The following VAV3 variants were observed in gnomAD, a reference collection of about 807,000 sequenced individuals.
VAV3 encodes vav guanine nucleotide exchange factor 3, also known as guanine nucleotide exchange factor VAV3.
In VAV3, 94 loss-of-function variants were observed where a neutral mutation model predicts 131.2. The ratio of observed to expected loss-of-function variants is 0.72; its 90% CI spans 0.61 to 0.85. The LOEUF (loss-of-function observed/expected upper bound fraction) is 0.85, where lower values mean the gene tolerates loss of function less well. Ranked by LOEUF, VAV3 falls within the 40% of genes least tolerant of loss-of-function variation. The probability of loss-of-function intolerance (pLI) is 0.00; values close to 1 mark genes in which losing one functional copy is unlikely to be tolerated. For synonymous variants in VAV3, 349 were observed against 342.0 expected (o/e 1.02, Z -0.22); for missense variants, 939 against 1,002.7 (o/e 0.94, Z 0.86).
At position 107,964,797 on chromosome 1, in the gene VAV3, A is replaced by G. The variant is rs138170759; in HGVS notation, c.73T>C (p.Trp25Arg). Reference sequence around the variant, plus strand: ...AGGTCGAACACCTGAGCCGAGTCCCAGGTCACCCGGTGGTTGGTGGGCAGC... The same window carrying G: ...AGGTCGAACACCTGAGCCGAGTCCCGGGTCACCCGGTGGTTGGTGGGCAGC... ...KVLPTNHRVT[W>R]DSAQVFDLAQ... Residue 25 changes from tryptophan to arginine, a missense_variant, in exon 1 of 27, where the codon TGG becomes CGG. Transcript: ENST00000370056. 3,125 of 1,613,956 alleles carry G rather than the reference A, an allele frequency of 1.9e-3. 6 individuals are homozygous for G. Among genetic ancestry groups the G allele is most frequent in the Non-Finnish European group, 2.5e-3 (2,917 of 1,179,958 alleles).
At chr1:107,964,600 G>T (rs1181096588) in intron 1 of VAV3, 66 bp downstream of exon 1, 1 of 1,544,822 alleles carries the variant, frequency 6.5e-7, no homozygotes, top group Admixed American at 1.9e-5. Context: ...TTTACACAAA[G>T]AAATTAGCCG....
chr1:107,761,274 TCC>T (rs1407529940), intron 9 of VAV3, among the ~76,000 whole-genome samples: 1 of 151,164 alleles, frequency 6.6e-6, no homozygotes, highest in Non-Finnish European at 1.5e-5. Flanking sequence ...GTGCCTGTAG[TCC>T]CAGCTACTCA....
intron 20 of VAV3, among the ~76,000 whole-genome samples, chr1:107,619,362 T>A (rs1385488920): frequency 6.6e-6 from 1 of 152,204 alleles, no homozygotes; most frequent in Non-Finnish European, 1.5e-5. Context: ...TAGCAGTAAC[T>A]ACAAGGTTGG....
intron 26 of VAV3, 101 bp downstream of exon 26, chr1:107,573,946 T>TA (rs1161481966): frequency 6.1e-6 from 9 of 1,478,960 alleles, no homozygotes; most frequent in Admixed American, 4.1e-5. Context: ...CTGAAAGCTG[T>TA]AATACAGTAT....
intron 2 of VAV3, among the ~76,000 whole-genome samples, chr1:107,783,081 T>C (rs373782279): frequency 6.6e-6 from 1 of 152,010 alleles, no homozygotes; most frequent in African/African-American, 2.4e-5. Flanking sequence ...GTAAGAAGAG[T>C]GGCATCTGTA....
At chr1:107,618,584 T>C (rs1392935951) in intron 20 of VAV3, among the ~76,000 whole-genome samples, 2 of 152,228 alleles carry the variant, frequency 1.3e-5, no homozygotes, top group African/African-American at 4.8e-5. Flanking sequence ...ATCCTTAATA[T>C]GTGCTAGACA....
chr1:107,598,391 A>T (rs1368565217), intron 24 of VAV3, among the ~76,000 whole-genome samples: 1 of 152,142 alleles, frequency 6.6e-6, no homozygotes, highest in African/African-American at 2.4e-5. Flanking sequence ...AAAAACACAC[A>T]CACAAAAAAC....
At chr1:107,761,435 C>A (rs945107241) in intron 9 of VAV3, among the ~76,000 whole-genome samples, 1 of 151,564 alleles carries the variant, frequency 6.6e-6, no homozygotes, top group Non-Finnish European at 1.5e-5. Flanking sequence ...AAATTATTTT[C>A]TCTAGTGCAA....
chr1:107,736,775 C>A (rs1662665838), intron 15 of VAV3, among the ~76,000 whole-genome samples: 1 of 152,078 alleles, frequency 6.6e-6, no homozygotes, highest in South Asian at 2.1e-4. Flanking sequence ...AATGGCCATA[C>A]TGCCCAAGGT....
chr1:107,895,958 C>T (rs1238513771), intron 1 of VAV3, among the ~76,000 whole-genome samples: 3 of 152,156 alleles, frequency 2.0e-5, no homozygotes, highest in African/African-American at 7.2e-5. Context: ...ACAGAAAGTG[C>T]TCAATGAAGT....
intron 2 of VAV3, among the ~76,000 whole-genome samples, chr1:107,793,335 T>C (rs1475698760): frequency 1.3e-5 from 2 of 152,152 alleles, no homozygotes; most frequent in Non-Finnish European, 2.9e-5. Flanking sequence ...TAGAGCCAGG[T>C]AGGGCTATGA....
chr1:107,786,655 A>C (rs768358172), intron 2 of VAV3, among the ~76,000 whole-genome samples: 3 of 152,178 alleles, frequency 2.0e-5, no homozygotes, highest in Non-Finnish European at 2.9e-5. Flanking sequence ...GGTCTTTGTA[A>C]AGTACTTCAG....
At chr1:107,912,385 C>T (rs962061855) in intron 1 of VAV3, among the ~76,000 whole-genome samples, 1 of 152,160 alleles carries the variant, frequency 6.6e-6, no homozygotes, top group African/African-American at 2.4e-5. Context: ...TTAATATTTG[C>T]ATCACTGATT....
At chr1:107,630,082 T>C (rs559850017) in intron 20 of VAV3, among the ~76,000 whole-genome samples, 3 of 152,314 alleles carry the variant, frequency 2.0e-5, no homozygotes, top group Non-Finnish European at 4.4e-5. Context: ...ATAAGTTTTC[T>C]AGATTTTTAT....
intron 2 of VAV3, among the ~76,000 whole-genome samples, chr1:107,811,731 A>G (rs989457619): frequency 8.5e-5 from 13 of 152,208 alleles, no homozygotes; most frequent in Non-Finnish European, 2.9e-5. Context: ...TAATATCTAA[A>G]TAATTCTTAC....
chr1:107,943,283 A>T (rs1674087189), intron 1 of VAV3, among the ~76,000 whole-genome samples: 1 of 152,182 alleles, frequency 6.6e-6, no homozygotes, highest in Non-Finnish European at 1.5e-5. Flanking sequence ...TCTGCTCTTG[A>T]TTAGTCAGTT....
chr1:107,820,557 A>C (rs1667754746), intron 2 of VAV3, among the ~76,000 whole-genome samples: 1 of 152,210 alleles, frequency 6.6e-6, no homozygotes, highest in South Asian at 2.1e-4. Flanking sequence ...ATAACACAAC[A>C]GAGTGATTAC....
At chr1:107,698,224 T>C (rs1163080612) in intron 17 of VAV3, among the ~76,000 whole-genome samples, 1 of 152,232 alleles carries the variant, frequency 6.6e-6, no homozygotes, top group Non-Finnish European at 1.5e-5. Flanking sequence ...TTTACAACGG[T>C]ATGAAAGTCA....
intron 15 of VAV3, among the ~76,000 whole-genome samples, chr1:107,728,896 T>C (rs186120081): frequency 6.6e-6 from 1 of 152,310 alleles, no homozygotes; most frequent in Admixed American, 6.5e-5. Context: ...CAGAATAGTT[T>C]TAAATTCATT....
Sources: allele counts gnomAD v4.1 joint callset (sites outside exome capture counted in the v4.1 genomes callset), GRCh38; gene constraint gnomAD v4.1.1; transcripts MANE v1.5; gene names NCBI Gene and HGNC (gene_info 2026-07-23, HGNC 2026-07-21).